Variants in NCAM2 observed in about 807,000 individuals in gnomAD.
NCAM2 encodes the protein N-CAM-2.
Under a neutral mutation model 98.1 loss-of-function variants are expected in NCAM2, and 30 were observed. The ratio of observed to expected loss-of-function variants is 0.31; its 90% confidence interval spans 0.23 to 0.41. The LOEUF (loss-of-function observed/expected upper bound fraction) is 0.41, where lower values mean the gene tolerates loss of function less well. Ranked by LOEUF, NCAM2 falls within the 10% of genes least tolerant of loss-of-function variation. The probability of loss-of-function intolerance (pLI) is 1.00; values close to 1 mark genes in which losing one functional copy is unlikely to be tolerated. For synonymous variants in NCAM2, 368 were observed against 342.4 expected (o/e 1.07, Z -0.83); for missense variants, 867 against 1,005.8 (o/e 0.86, Z 1.87).
At chr21:21,021,865 A>T (rs539852246) in intron 1 of NCAM2, among the ~76,000 whole-genome samples, 36 of 152,242 alleles carry the variant, frequency 2.4e-4, no homozygotes, top group African/African-American at 6.5e-4. Context: ...TCTAAATTTT[A>T]TTCTAAGCTT....
chr21:21,353,006 A>G (rs2075384063), intron 8 of NCAM2, among the ~76,000 whole-genome samples: 1 of 152,008 alleles, frequency 6.6e-6, no homozygotes, highest in Non-Finnish European at 1.5e-5. Context: ...GGTGCCCGCC[A>G]CCATGCCCAG....
chr21:21,351,967 C>T (rs2075353773), intron 8 of NCAM2, among the ~76,000 whole-genome samples: 1 of 152,130 alleles, frequency 6.6e-6, no homozygotes, highest in Non-Finnish European at 1.5e-5. Flanking sequence ...CCAGGCTGGT[C>T]TTGAATACCT....
At chr21:21,005,493 C>T (rs574656164) in intron 1 of NCAM2, among the ~76,000 whole-genome samples, 1 of 152,150 alleles carries the variant, frequency 6.6e-6, no homozygotes, top group East Asian at 1.9e-4. Flanking sequence ...TTGCTGTATT[C>T]ATGGCACATC....
intron 1 of NCAM2, among the ~76,000 whole-genome samples, chr21:21,198,427 T>TA (rs918524187): frequency 2.0e-5 from 3 of 152,100 alleles, no homozygotes; most frequent in East Asian, 1.9e-4. Flanking sequence ...GAAAATGATA[T>TA]AAAAAATGCA....
chr21:21,091,545 G>A lies in NCAM2; in HGVS notation c.55+92927G>A, dbSNP rs933642115. 3.3e-5 allele frequency among the ~76,000 whole-genome samples: 5 copies of A among 152,198 alleles called. No individual in the cohort carries two copies. The South Asian group carries it at 1.0e-3, about 32-fold the overall frequency. On this transcript the variant is annotated intron_variant, in intron 1 of 17. Transcript: ENST00000400546. ...GCAATTCACAAAAAAGGTTTAATTGGACTTACAGTTCCATGTGGCTGGGAA... is the reference window on the plus strand; with the variant it reads ...GCAATTCACAAAAAAGGTTTAATTGAACTTACAGTTCCATGTGGCTGGGAA...
chr21:21,105,938 G>T (rs780000730), intron 1 of NCAM2, among the ~76,000 whole-genome samples: 5 of 151,920 alleles, frequency 3.3e-5, no homozygotes, highest in African/African-American at 4.8e-5. Context: ...TCTTGCTTAT[G>T]GCATAATATA....
Position 21,499,005 on chromosome 21 carries a change from A to G in NCAM2, c.2078-9846A>G, listed in dbSNP as rs540172882. ...TTAGTAAATTATATGGACTTCCTCC[A>G]TCTTCACATGAGTTTTAAAAAGATG... On this transcript the variant is annotated intron_variant, in intron 15 of 17. Transcript: ENST00000400546. Among the ~76,000 whole-genome samples the G allele has an allele frequency of 3.3e-5, 5 of 152,280 alleles. No individual in the cohort carries two copies. In the South Asian group the frequency reaches 8.3e-4, roughly 25 times the overall value.
chr21:21,376,324 G>A (rs1229201080), intron 9 of NCAM2, among the ~76,000 whole-genome samples: 1 of 151,722 alleles, frequency 6.6e-6, no homozygotes, highest in African/African-American at 2.4e-5. Context: ...AAACCTCACT[G>A]AAAATAGTTT....
At chr21:21,332,308 C>A (rs977469730) in intron 6 of NCAM2, among the ~76,000 whole-genome samples, 1 of 152,080 alleles carries the variant, frequency 6.6e-6, no homozygotes. Context: ...AGTTAAGTGA[C>A]TTGGAAAAAG....
Position 21,468,655 on chromosome 21 carries a change from T to C in NCAM2, c.1775-7T>C. 6.2e-7 allele frequency: 1 copy of C among 1,608,520 alleles called. No homozygotes were observed. The highest frequency in any genetic ancestry group is 8.5e-7 in the Non-Finnish European group (1 of 1,176,940). ...GCAAATGAAGAAATGTTGTATTGTA[T>C]ATCTAGGTGAACCAAGTCCTCCATC... On this transcript the variant is annotated splice_region_variant and splice_polypyrimidine_tract_variant and intron_variant, in intron 13 of 17. Transcript: ENST00000400546.
intron 1 of NCAM2, among the ~76,000 whole-genome samples, chr21:21,031,349 C>A (rs756723875): frequency 1.3e-5 from 2 of 152,070 alleles, no homozygotes; most frequent in Non-Finnish European, 2.9e-5. Context: ...ACATGAAGAG[C>A]CTTAGCAAAT....
At chr21:21,028,084 A>T (rs1375426799) in intron 1 of NCAM2, among the ~76,000 whole-genome samples, 15 of 151,994 alleles carry the variant, frequency 9.9e-5, no homozygotes. Context: ...GCTGGTCTGG[A>T]ACTCCCGACC....
intron 1 of NCAM2, among the ~76,000 whole-genome samples, chr21:21,035,537 T>A (rs1008723754): frequency 7.9e-5 from 12 of 152,134 alleles, no homozygotes; most frequent in African/African-American, 2.9e-4. Flanking sequence ...ATCATTTCAG[T>A]CCTTCATTAG....
chr21:21,024,489 A>G (rs2064500478), intron 1 of NCAM2, among the ~76,000 whole-genome samples: 1 of 152,242 alleles, frequency 6.6e-6, no homozygotes, highest in Non-Finnish European at 1.5e-5. Context: ...AAATCCCTTA[A>G]AGGTATAAAT....
chr21:21,107,640 C>G (rs2066375923), intron 1 of NCAM2, among the ~76,000 whole-genome samples: 1 of 151,966 alleles, frequency 6.6e-6, no homozygotes, highest in Non-Finnish European at 1.5e-5. Context: ...ATTTACTGCA[C>G]GTTAGCATTA....
rs1175363664 is a variant in NCAM2, at chr21:20,998,534, GA to G, written c.-27del. On this transcript the variant is annotated 5_prime_UTR_variant, in exon 1 of 18. Transcript: ENST00000400546. ...CTCCAGGGCTGGACTTAATAACTTT[GA>G]AACTGTCCACCGGTGTCACGTCCTG... 4 of 1,611,212 alleles carry G rather than the reference GA, an allele frequency of 2.5e-6. No homozygotes were observed. The highest frequency in any genetic ancestry group is 3.4e-6 in the Non-Finnish European group (4 of 1,177,664).
intron 1 of NCAM2, among the ~76,000 whole-genome samples, chr21:21,174,376 G>A (rs972534261): frequency 6.6e-6 from 1 of 152,086 alleles, no homozygotes; most frequent in Non-Finnish European, 1.5e-5. Context: ...CAGTATAAGT[G>A]TCTTTCACGC....
At chr21:21,004,397 A>T (rs940773743) in intron 1 of NCAM2, among the ~76,000 whole-genome samples, 1 of 152,158 alleles carries the variant, frequency 6.6e-6, no homozygotes, top group African/African-American at 2.4e-5. Flanking sequence ...GGTACAGAAG[A>T]ATGATCCGAT....
At chr21:21,136,568 TCTC>T (rs1021240124) in intron 1 of NCAM2, among the ~76,000 whole-genome samples, 2 of 151,884 alleles carry the variant, frequency 1.3e-5, no homozygotes, top group African/African-American at 4.8e-5. Flanking sequence ...TTCAAGCAAT[TCTC>T]CTGCCTTAGC....
Sources: gnomAD v4.1 joint callset for allele counts (sites outside exome capture counted in the v4.1 genomes callset) on GRCh38, gnomAD v4.1.1 for gene constraint, MANE v1.5 for transcripts, NCBI Gene and HGNC (gene_info 2026-07-23, HGNC 2026-07-21) for gene names.